The following ECT2 variants were observed in gnomAD, a reference collection of about 807,000 sequenced individuals.
The protein encoded by ECT2 is epithelial cell transforming 2.
Under a neutral mutation model 116.9 loss-of-function variants are expected in ECT2, and 61 were observed. The ratio of observed to expected loss-of-function variants is 0.52; its 90% confidence interval spans 0.42 to 0.65. The LOEUF (loss-of-function observed/expected upper bound fraction) is 0.65. Among genes scored for constraint, ECT2 ranks in the 30% least tolerant of loss-of-function variants. ECT2 has a pLI of 0.00. For synonymous variants in ECT2, 358 were observed against 346.4 expected (o/e 1.03, Z -0.37); for missense variants, 937 against 1,078.7 (o/e 0.87, Z 1.84).
intron 13 of ECT2, among the ~76,000 whole-genome samples, chr3:172,769,379 C>A (rs765473321): frequency 1.3e-5 from 2 of 152,110 alleles, no homozygotes; most frequent in Non-Finnish European, 2.9e-5. Context: ...GAACAGAACT[C>A]AGTAGATGAT....
At chr3:172,759,503 G>A (rs1295527871) in intron 6 of ECT2, among the ~76,000 whole-genome samples, 3 of 151,972 alleles carry the variant, frequency 2.0e-5, no homozygotes, top group African/African-American at 7.3e-5. Flanking sequence ...GTGCAGTGGC[G>A]CAATCTCGGC....
chr3:172,769,102 A>G lies in ECT2; in HGVS notation c.1387A>G (p.Thr463Ala). Residue 463 changes from threonine to alanine, a missense_variant, in exon 13 of 25, where the codon ACT becomes GCT. Transcript: ENST00000392692. Reference sequence around the variant, plus strand: ...GCAAGTTGCAAAAGAGCTTTATCAAACTGAAAGTAATTATGTTAATATATT... The same window carrying G: ...GCAAGTTGCAAAAGAGCTTTATCAAGCTGAAAGTAATTATGTTAATATATT... The part of the protein sequence containing the change: ...RWQVAKELYQ[T>A]ESNYVNILAT... 6.2e-7 allele frequency: 1 copy of G among 1,613,272 alleles called. No homozygotes were observed. Among genetic ancestry groups the G allele is most frequent in the Non-Finnish European group, 8.5e-7 (1 of 1,179,436 alleles).
intron 14 of ECT2, 93 bp downstream of exon 14, chr3:172,774,115 T>A (rs1721204735): frequency 4.0e-6 from 5 of 1,261,784 alleles, no homozygotes; most frequent in Non-Finnish European, 5.6e-6. Flanking sequence ...CTAAATAAGT[T>A]TTGTACCTAA....
rs78984141 is a variant in ECT2 at position 172,794,493 on chromosome 3, T to C, written c.1907+7919T>C. Among the ~76,000 whole-genome samples the C allele has an allele frequency of 2.7e-3, 404 of 152,312 alleles. 1 individual carries two copies. Among genetic ancestry groups the C allele is most frequent in the African/African-American group, 9.3e-3 (385 of 41,562 alleles). ...TTATGCCAGTACCACACTGCCTTGA[T>C]TACTGTACTTTAAGTTTTGAAATTG... is the stretch of plus-strand genomic sequence containing the variant. On this transcript the variant is annotated intron_variant, in intron 18 of 24. Coordinates refer to ENST00000392692, the MANE Select transcript of ECT2 (RefSeq NM_001258315.2).
rs575564831 is a variant in ECT2 at position 172,816,416 on chromosome 3, C to A, written c.2509-275C>A. On this transcript the variant is annotated intron_variant, in intron 23 of 24. Transcript: ENST00000392692. The stretch of plus-strand genomic sequence containing the variant: ...GGGGATTTTTGGATTAGAAATCTCA[C>A]AACTAGACTGGCTGAATCAGAGAAG... 5.9e-5 allele frequency among the ~76,000 whole-genome samples: 9 copies of A among 152,158 alleles called. No individual in the cohort carries two copies. In the South Asian group the frequency reaches 1.7e-3, roughly 28 times the overall value.
At position 172,802,855 on chromosome 3, in the gene ECT2, A is replaced by G. The variant is rs1187038801; in HGVS notation, c.1987-6A>G. 6.2e-6 allele frequency: 10 copies of G among 1,609,550 alleles called. No individual in the cohort carries two copies. The highest frequency in any genetic ancestry group is 4.0e-5 in the African/African-American group (3 of 74,690). On this transcript the variant is annotated splice_polypyrimidine_tract_variant and splice_region_variant and intron_variant, in intron 19 of 24. Transcript: ENST00000392692. ...ATCTCTTTTGTTATATTTTCAACCT[A>G]TACAGGCTAATCTTTTATCTTCTCA...
chr3:172,799,390 A>G (rs1252394944), intron 18 of ECT2, among the ~76,000 whole-genome samples: 1 of 152,200 alleles, frequency 6.6e-6, no homozygotes, highest in African/African-American at 2.4e-5. Context: ...TTAATGCTGT[A>G]GACAGCCTTT....
intron 18 of ECT2, among the ~76,000 whole-genome samples, chr3:172,798,007 A>G (rs1348972493): frequency 2.0e-5 from 3 of 152,176 alleles, no homozygotes; most frequent in African/African-American, 7.2e-5. Context: ...AACTTCCCCC[A>G]AATCAAATCG....
intron 18 of ECT2, among the ~76,000 whole-genome samples, chr3:172,794,013 A>T (rs1005025437): frequency 8.6e-5 from 13 of 152,000 alleles, no homozygotes; most frequent in African/African-American, 2.7e-4. Context: ...TTAAAAAAAG[A>T]TATATGATTT....
intron 17 of ECT2, among the ~76,000 whole-genome samples, chr3:172,785,282 TAG>T (rs1723418285): frequency 6.6e-6 from 1 of 152,190 alleles, no homozygotes; most frequent in African/African-American, 2.4e-5. Flanking sequence ...TAGGTATCAA[TAG>T]AGTTTTACAG....
At chr3:172,783,755 G>T in intron 15 of ECT2, 44 bp from the exon 16 acceptor site, 2 of 1,272,744 alleles carry the variant, frequency 1.6e-6, no homozygotes, top group Non-Finnish European at 1.1e-6. Context: ...CTCTAAGGGT[G>T]ACAAATGCAT....
chr3:172,753,576 G>A (rs1200259577), intron 1 of ECT2, among the ~76,000 whole-genome samples: 1 of 152,186 alleles, frequency 6.6e-6, no homozygotes, highest in Non-Finnish European at 1.5e-5. Flanking sequence ...TGAAAATACT[G>A]ACAAGGGACC....
intron 22 of ECT2, among the ~76,000 whole-genome samples, chr3:172,809,884 T>C (rs961839121): frequency 6.6e-6 from 1 of 152,206 alleles, no homozygotes. Flanking sequence ...GCCAAGAGCA[T>C]GACTGACTGA....
intron 12 of ECT2, among the ~76,000 whole-genome samples, chr3:172,767,181 G>A (rs897893228): frequency 3.3e-5 from 5 of 152,110 alleles, no homozygotes; most frequent in African/African-American, 7.2e-5. Context: ...GGTGGCCCAC[G>A]CCTGTAATCC....
At chr3:172,817,166 C>A (rs1729879530) in intron 24 of ECT2, among the ~76,000 whole-genome samples, 1 of 152,104 alleles carries the variant, frequency 6.6e-6, no homozygotes. Flanking sequence ...CAGCTCTGTA[C>A]ACTAGCACTG....
At chr3:172,780,702 C>T (rs755383430) in intron 14 of ECT2, among the ~76,000 whole-genome samples, 11 of 152,156 alleles carry the variant, frequency 7.2e-5, no homozygotes, top group Non-Finnish European at 1.6e-4. Flanking sequence ...AATTTCTCCA[C>T]ATTCTTTAAA....
intron 18 of ECT2, among the ~76,000 whole-genome samples, chr3:172,797,296 A>G (rs1052392168): frequency 7.2e-5 from 11 of 152,004 alleles, no homozygotes; most frequent in African/African-American, 2.7e-4. Flanking sequence ...AGGTCTCCCA[A>G]AGTGCTGGGA....
chr3:172,779,044 A>G (rs1263399038), intron 14 of ECT2, among the ~76,000 whole-genome samples: 2 of 152,236 alleles, frequency 1.3e-5, no homozygotes, highest in Non-Finnish European at 2.9e-5. Context: ...ATGAATTAAT[A>G]CTTGTAAAGC....
chr3:172,804,629 G>T (rs910780039), intron 20 of ECT2, among the ~76,000 whole-genome samples: 11 of 152,110 alleles, frequency 7.2e-5, no homozygotes, highest in African/African-American at 2.7e-4. Context: ...GGTTTTTCCT[G>T]TTGGAGTCCC....
Sources: gnomAD v4.1 joint callset for allele counts (sites outside exome capture counted in the v4.1 genomes callset) on GRCh38, gnomAD v4.1.1 for gene constraint, MANE v1.5 for transcripts, NCBI Gene and HGNC (gene_info 2026-07-23, HGNC 2026-07-21) for gene names.